The following DYNC2H1 variants were observed in gnomAD, a reference collection of about 807,000 sequenced individuals.
DYNC2H1 encodes cytoplasmic dynein 2 heavy chain 1.
In DYNC2H1, 410 loss-of-function variants were observed where a neutral mutation model predicts 570.0. The observed-to-expected ratio is 0.72, with a 90% CI of 0.66 to 0.78. The LOEUF (loss-of-function observed/expected upper bound fraction) is 0.78, where lower values mean the gene tolerates loss of function less well. DYNC2H1 is among the 30% of genes least tolerant of loss of function. The probability of loss-of-function intolerance (pLI) is 0.00; values close to 1 mark genes in which losing one functional copy is unlikely to be tolerated. For missense variants in DYNC2H1, 4,865 were observed against 5,046.4 expected (o/e 0.96, Z 1.09); for synonymous variants, 1,688 against 1,677.6 (o/e 1.01, Z -0.15).
At chr11:103,237,564 T>G (rs562788535) in intron 63 of DYNC2H1, among the ~76,000 whole-genome samples, 1 of 152,048 alleles carries the variant, frequency 6.6e-6, no homozygotes, top group Non-Finnish European at 1.5e-5. Context: ...AAAATTTTTT[T>G]TATTATTTTC....
At chr11:103,213,602 T>C (rs1390819944) in intron 54 of DYNC2H1, among the ~76,000 whole-genome samples, 1 of 143,646 alleles carries the variant, frequency 7.0e-6, no homozygotes, top group African/African-American at 2.6e-5. Context: ...TTTTTTCATA[T>C]ACCGTTGGCC....
In DYNC2H1 at chr11:103,427,091, C is replaced by G. The variant is rs557838285; in HGVS notation, c.12367-8852C>G. Among the ~76,000 whole-genome samples, 101 of 152,000 alleles carry G rather than the reference C, an allele frequency of 6.6e-4. 2 individuals carry two copies. In the South Asian group the frequency reaches 0.02, roughly 30 times the overall value. ...CCCACAGAGCCCATTTAACTCTACT[C>G]TTGATGTATGTTTGGTTAAAATTTT... On this transcript the variant is annotated intron_variant, in intron 84 of 88. Transcript: ENST00000375735.
intron 84 of DYNC2H1, among the ~76,000 whole-genome samples, chr11:103,434,132 G>A (rs559756): frequency 0.61 from 92,552 of 151,768 alleles, 28,524 homozygotes; most frequent in South Asian, 0.74. Context: ...TGGTTTTTTC[G>A]GTCTGTTTCC....
intron 84 of DYNC2H1, among the ~76,000 whole-genome samples, chr11:103,422,462 C>T (rs1943519275): frequency 6.6e-6 from 1 of 152,128 alleles, no homozygotes; most frequent in South Asian, 2.1e-4. Context: ...CAAACCAAAT[C>T]CCACAGCACA....
rs1464161097 is a variant in DYNC2H1 at position 103,240,296 on chromosome 11, C to A, written c.9820-3397C>A. ...GTTTCCAGACTGAAGATGTGTCATT[C>A]ACTCCCTCTGCACCATAGATAATAT... is the stretch of plus-strand genomic sequence containing the variant. On this transcript the variant is annotated intron_variant, in intron 63 of 88. Transcript: ENST00000375735. 2.0e-5 allele frequency among the ~76,000 whole-genome samples: 3 copies of A among 152,216 alleles called. No individual in the cohort carries two copies. In the East Asian group the frequency reaches 5.8e-4, roughly 29 times the overall value.
chr11:103,399,229 A>G (rs1212521827), intron 83 of DYNC2H1, among the ~76,000 whole-genome samples: 2 of 139,036 alleles, frequency 1.4e-5, no homozygotes, highest in Admixed American at 8.0e-5. Context: ...TGCAACCTCC[A>G]TCTCCGGGGT....
rs548520149 is a variant in DYNC2H1 at position 103,395,981 on chromosome 11, A to G, written c.12157-3682A>G. Among the ~76,000 whole-genome samples the G allele has an allele frequency of 6.6e-5, 10 of 152,136 alleles. No homozygotes were observed. The highest frequency in any genetic ancestry group is 3.9e-4 in the Admixed American group (6 of 15,272). On this transcript the variant is annotated intron_variant, in intron 83 of 88. Coordinates refer to ENST00000375735, the MANE Select transcript of DYNC2H1 (RefSeq NM_001377.3). This position sits in a 1 kb window ranked among gnomAD's most constrained non-coding sequence, Gnocchi z 4.3. ...CCACTCCAACTTTGTTTTTACTTCT[A>G]ATTTCCTTTTTTGCTTTTTAAAGTG...
In DYNC2H1 at chr11:103,223,086, C is replaced by T. The variant is rs1224520775; in HGVS notation, c.9353C>T (p.Ser3118Leu). Reference sequence around the variant, plus strand: ...GAAACTGAACAGGCAGGATTAGAATCGTAAGTGAAATATAAAATATAAACA... The same window carrying T: ...GAAACTGAACAGGCAGGATTAGAATTGTAAGTGAAATATAAAATATAAACA... ...PLETEQAGLE[S>L]NLKKTEDRKR... Residue 3118 changes from serine (S) to leucine (L), a missense_variant and splice_region_variant, in exon 59 of 89, where the codon TCG becomes TTG. Ser to Leu is a moderately radical substitution (Grantham distance 145, BLOSUM62 -2). This residue lies in a region of DYNC2H1 where 2,401 missense variants were observed against 2,454.6 expected (regional missense o/e 0.98). Transcript: ENST00000375735. The T allele has an allele frequency of 9.4e-6, 15 of 1,603,426 alleles. No homozygotes were observed. Among genetic ancestry groups the T allele is most frequent in the East Asian group, 2.3e-5 (1 of 44,348 alleles).
intron 68 of DYNC2H1, 130 bp from the exon 69 acceptor site, chr11:103,257,478 T>C (rs2135266571): frequency 1.1e-6 from 1 of 878,646 alleles, no homozygotes; most frequent in East Asian, 3.0e-5. Flanking sequence ...TTCATTTGTT[T>C]TATGTGCATA....
intron 84 of DYNC2H1, among the ~76,000 whole-genome samples, chr11:103,413,690 GGGAT>G (rs1239282225): frequency 1.3e-5 from 2 of 152,140 alleles, no homozygotes; most frequent in Non-Finnish European, 2.9e-5. Flanking sequence ...ATCAAATACT[GGGAT>G]GGAACTCTGC....
Position 103,305,390 on chromosome 11 carries a change from G to T in DYNC2H1, c.11382+670G>T, listed in dbSNP as rs1867237799. On this transcript the variant is annotated intron_variant, in intron 77 of 88. Transcript: ENST00000375735. The surrounding 1 kb of genome is among the most constrained non-coding windows in gnomAD (Gnocchi z 4.3). ...GATGTCCACCCCTAGTACAAGGAAT[G>T]AAGAGATGTCCTTGATAGTACTAGA... 6.6e-6 allele frequency among the ~76,000 whole-genome samples: 1 copy of T among 152,130 alleles called. No homozygotes were observed. Among genetic ancestry groups the T allele is most frequent in the African/African-American group, 2.4e-5 (1 of 41,434 alleles).
chr11:103,347,066 G>T (rs1225027565), intron 82 of DYNC2H1, among the ~76,000 whole-genome samples: 10 of 152,208 alleles, frequency 6.6e-5, no homozygotes, highest in African/African-American at 1.9e-4. Context: ...CTTTCAAAAA[G>T]AGTAAACCTG....
intron 84 of DYNC2H1, among the ~76,000 whole-genome samples, chr11:103,432,469 C>G (rs761356835): frequency 4.6e-5 from 7 of 152,126 alleles, no homozygotes; most frequent in African/African-American, 7.2e-5. Flanking sequence ...TGCAAAACTT[C>G]TTGAACCACC....
chr11:103,310,682 TTTTTTTTTTTTTTTTTG>T (rs924413158), intron 78 of DYNC2H1, among the ~76,000 whole-genome samples: 3 of 84,930 alleles, frequency 3.5e-5, no homozygotes, highest in Admixed American at 1.3e-4. Flanking sequence ...TCTTTTTTTT[TTTTTTTTTTTTTTTTTG>T]GGAGACTGAG....
rs17373533 is a variant in DYNC2H1 at position 103,129,236 on chromosome 11, A to G, written c.1953+231A>G. On this transcript the variant is annotated intron_variant, in intron 13 of 88. Transcript: ENST00000375735. This position sits in a 1 kb window ranked among gnomAD's most constrained non-coding sequence, Gnocchi z 4.1. ...ATTTCGATCAATTGCATTGATATAG[A>G]TAGAAAATGATTTGTATGATGTTAT... Among the ~76,000 whole-genome samples the G allele has an allele frequency of 0.09, 13,678 of 152,288 alleles. 783 individuals are homozygous for G. The highest frequency in any genetic ancestry group is 0.12 in the Non-Finnish European group (8,015 of 68,012).
chr11:103,259,386 AAACTAAAATTTT>A (rs1442175539), intron 69 of DYNC2H1, among the ~76,000 whole-genome samples: 1 of 152,190 alleles, frequency 6.6e-6, no homozygotes, highest in East Asian at 1.9e-4. Flanking sequence ...ATCAGATCAA[AAACTAAAATTTT>A]ATGTGAGTTT....
intron 84 of DYNC2H1, among the ~76,000 whole-genome samples, chr11:103,430,245 T>G (rs1943838499): frequency 6.6e-6 from 1 of 152,080 alleles, no homozygotes; most frequent in Non-Finnish European, 1.5e-5. Context: ...TACTAGAGTG[T>G]TTTTTTGTGC....
chr11:103,184,560 TCAG>T (rs960169585), intron 40 of DYNC2H1, among the ~76,000 whole-genome samples: 3 of 151,940 alleles, frequency 2.0e-5, no homozygotes, highest in African/African-American at 7.2e-5. Flanking sequence ...ATTCTTTTTA[TCAG>T]CAAGAGGAAA....
chr11:103,385,684 T>C (rs1428013681), intron 83 of DYNC2H1, among the ~76,000 whole-genome samples: 1 of 152,220 alleles, frequency 6.6e-6, no homozygotes, highest in Non-Finnish European at 1.5e-5. Context: ...AATAAAGCTC[T>C]AAAACTTGGA....
Sources: allele counts gnomAD v4.1 joint callset (sites outside exome capture counted in the v4.1 genomes callset), GRCh38; gene constraint gnomAD v4.1.1; regional missense constraint gnomAD v4.1.1; non-coding constraint Gnocchi (gnomAD v3.1); transcripts MANE v1.5; gene names NCBI Gene and HGNC (gene_info 2026-07-23, HGNC 2026-07-21).